KY: variants seen among roughly 807,000 people sequenced by gnomAD.
KY encodes kyphoscoliosis peptidase.
Under a neutral mutation model 76.1 loss-of-function variants are expected in KY, and 43 were observed. The observed-to-expected ratio is 0.57, with a 90% CI of 0.44 to 0.73. The LOEUF (loss-of-function observed/expected upper bound fraction) is 0.73, where lower values mean the gene tolerates loss of function less well. Ranked by LOEUF, KY falls within the 30% of genes least tolerant of loss-of-function variation. The pLI, the probability that KY is intolerant of heterozygous loss-of-function variation, is 0.00. For synonymous variants in KY, 277 were observed against 326.2 expected, an observed-to-expected ratio of 0.85 and a Z score of 1.63; for missense variants, 722 against 828.9, an observed-to-expected ratio of 0.87 and a Z score of 1.58.
intron 3 of KY, among the ~76,000 whole-genome samples, chr3:134,633,524 T>C (rs1168701596): frequency 6.6e-6 from 1 of 152,082 alleles, no homozygotes; most frequent in Non-Finnish European, 1.5e-5. Context: ...CCTATTGGTG[T>C]AGAAAAATGC....
intron 5 of KY, among the ~76,000 whole-genome samples, chr3:134,626,284 G>T (rs1021447006): frequency 5.3e-5 from 8 of 152,220 alleles, no homozygotes; most frequent in African/African-American, 1.9e-4. Context: ...GGTATGGTAG[G>T]GAAGTCTGGG....
intron 1 of KY, among the ~76,000 whole-genome samples, chr3:134,648,252 G>C (rs748973784): frequency 6.6e-6 from 1 of 152,128 alleles, no homozygotes; most frequent in African/African-American, 2.4e-5. Context: ...TGCTGCTTAC[G>C]GTACTGTTCC....
intron 3 of KY, among the ~76,000 whole-genome samples, chr3:134,635,899 A>AT (rs1192117265): frequency 2.0e-5 from 3 of 152,154 alleles, no homozygotes; most frequent in African/African-American, 7.2e-5. Flanking sequence ...TAGTAAACAT[A>AT]TTTTTCATAA....
At chr3:134,618,669 C>G (rs913980845) in intron 8 of KY, among the ~76,000 whole-genome samples, 15 of 152,172 alleles carry the variant, frequency 9.9e-5, no homozygotes, top group Non-Finnish European at 1.5e-4. Context: ...AAATGGAGCC[C>G]AGCGACTCCA....
chr3:134,643,003 ATAGT>A lies in KY; in HGVS notation c.262+309_262+312del, dbSNP rs141984677. On this transcript the variant is annotated intron_variant, in intron 3 of 10. Transcript: ENST00000423778. ...AGTGGCTTGGCAGGGTGTCTGGCAC[ATAGT>A]TAGCATTCAACAAATGTTGAATGTT... is the stretch of plus-strand genomic sequence containing the variant. 5.9e-5 allele frequency among the ~76,000 whole-genome samples: 9 copies of A among 152,322 alleles called. No homozygotes were observed. The East Asian group carries it at 1.7e-3, about 29-fold the overall frequency.
intron 6 of KY, among the ~76,000 whole-genome samples, chr3:134,622,841 T>A (rs561025658): frequency 1.3e-5 from 2 of 152,200 alleles, no homozygotes; most frequent in Non-Finnish European, 2.9e-5. Context: ...TCCCCTCAGC[T>A]CCCAGCTTGA....
At chr3:134,629,360 C>A in intron 4 of KY, 1 of 460,304 alleles carries the variant, frequency 2.2e-6, no homozygotes, top group Non-Finnish European at 3.9e-6. Context: ...ACAGCAACAA[C>A]ACTCTTGTGA....
chr3:134,637,612 C>T (rs921185502), intron 3 of KY, among the ~76,000 whole-genome samples: 11 of 152,220 alleles, frequency 7.2e-5, no homozygotes, highest in African/African-American at 2.7e-4. Context: ...TAGGGTTCAA[C>T]AACAAATCTC....
chr3:134,647,528 AGACTCAGGGC>A, intron 1 of KY, 31 bp from the exon 2 acceptor site: 3 of 1,417,682 alleles, frequency 2.1e-6, no homozygotes, highest in Non-Finnish European at 3.0e-6. Flanking sequence ...CTGAGGTGGG[AGACTCAGGGC>A]AAAAGAGTGA....
At chr3:134,611,785 C>T (rs1158631309) in intron 8 of KY, among the ~76,000 whole-genome samples, 3 of 152,232 alleles carry the variant, frequency 2.0e-5, no homozygotes, top group Non-Finnish European at 4.4e-5. Context: ...ACCAGGGCTG[C>T]AGCCTCAGTT....
At chr3:134,629,799 T>C in intron 3 of KY, 104 bp from the exon 4 acceptor site, 1 of 725,172 alleles carries the variant, frequency 1.4e-6, no homozygotes, top group Non-Finnish European at 2.4e-6. Flanking sequence ...TTTAGAACTT[T>C]CTTTTGTGTG....
chr3:134,609,529 T>C (rs1229387544), intron 9 of KY, among the ~76,000 whole-genome samples: 2 of 152,128 alleles, frequency 1.3e-5, no homozygotes, highest in Non-Finnish European at 2.9e-5. Flanking sequence ...CACACTCATG[T>C]TTCTGAATAA....
At chr3:134,639,939 C>T (rs1460836454) in intron 3 of KY, 2 of 106,778 alleles carry the variant, frequency 1.9e-5, no homozygotes, top group African/African-American at 3.9e-5. Flanking sequence ...CACAGAGTGA[C>T]ACCCTGTCTC....
In KY at chr3:134,608,811, G is replaced by C. The variant is rs766638353; in HGVS notation, c.928C>G (p.Pro310Ala). The C allele has an allele frequency of 3.1e-6, 5 of 1,612,782 alleles. No homozygotes were observed. Among genetic ancestry groups the C allele is most frequent in the African/African-American group, 1.3e-5 (1 of 74,896 alleles). ...AAGTGGTCCTCGATGAACAGTGCAG[G>C]GTGGGTGAGGAAGTAGAACTCATTG... ...LYNEFYFLTH[P>A]ALFIEDHFPD... is the part of the protein sequence containing the mutation. The change falls in exon 10 of 11, where the codon CCT becomes GCT. Residue 310 changes from proline to alanine, a missense_variant. Around this residue, in one of 2 missense-constraint regions of KY, gnomAD observed 552 missense variants for 680.9 expected, o/e 0.81. Coordinates refer to ENST00000423778, the MANE Select transcript of KY (RefSeq NM_178554.6).
In KY at chr3:134,600,187, G is replaced by A. The variant is rs1169289564; in HGVS notation, c.*3392C>T. 6.6e-6 allele frequency among the ~76,000 whole-genome samples: 1 copy of A among 152,206 alleles called. No homozygotes were observed. The highest frequency in any genetic ancestry group is 1.5e-5 in the Non-Finnish European group (1 of 68,036). On this transcript the variant is annotated 3_prime_UTR_variant, in exon 11 of 11. Coordinates refer to ENST00000423778, the MANE Select transcript of KY (RefSeq NM_178554.6). Reference sequence around the variant, plus strand: ...TGCTGTTAACCCTCTGTTTGCTGCAGGCAGACCAGGATATCTCAGGAATTA... The same window carrying A: ...TGCTGTTAACCCTCTGTTTGCTGCAAGCAGACCAGGATATCTCAGGAATTA...
chr3:134,607,707 G>A (rs1248387850), intron 10 of KY: 14 of 985,904 alleles, frequency 1.4e-5, no homozygotes, highest in East Asian at 1.1e-4. Flanking sequence ...CTCAGAGTGT[G>A]CAAACATACT....
At chr3:134,623,836 G>A (rs75778100) in intron 6 of KY, among the ~76,000 whole-genome samples, 2,112 of 152,020 alleles carry the variant, frequency 0.014, 39 homozygotes, top group African/African-American at 0.048. Context: ...CCCCTCCCTG[G>A]ACCTTCCAGA....
At position 134,610,377 on chromosome 3, in the gene KY, G is replaced by T. The variant is rs368879663; in HGVS notation, c.717C>A (p.Ala239=). 2 of 1,610,692 alleles carry T rather than the reference G, an allele frequency of 1.2e-6. No homozygotes were observed. The highest frequency in any genetic ancestry group is 2.7e-5 in the African/African-American group (2 of 74,768). Residue 239 remains alanine (A), a synonymous_variant, in exon 9 of 11, where the codon GCC becomes GCA. Coordinates refer to ENST00000423778, the MANE Select transcript of KY (RefSeq NM_178554.6). ...AGLFERMCRL[A]GVQCMTVPGY... The stretch of plus-strand genomic sequence containing the variant: ...CAGGCACGGTCATACACTGCACTCC[G>T]GCGAGCCTGGGGGCAGGACAGGGGG...
At chr3:134,635,087 A>G (rs1964745258) in intron 3 of KY, among the ~76,000 whole-genome samples, 1 of 152,246 alleles carries the variant, frequency 6.6e-6, no homozygotes, top group Non-Finnish European at 1.5e-5. Context: ...TTCACACAAA[A>G]ACCTGTACAC....
Sources: gnomAD v4.1 joint callset for allele counts (sites outside exome capture counted in the v4.1 genomes callset) on GRCh38, gnomAD v4.1.1 for gene constraint, gnomAD v4.1.1 regional missense constraint, MANE v1.5 for transcripts, NCBI Gene and HGNC (gene_info 2026-07-23, HGNC 2026-07-21) for gene names.